Variants in TRUB2 observed in about 807,000 individuals in gnomAD.
TRUB2 encodes the protein TruB pseudouridine synthase family member 2.
In TRUB2, 31 loss-of-function variants were observed where a neutral mutation model predicts 31.9. That is an observed-to-expected ratio of 0.97 (90% CI 0.73 to 1.31). The LOEUF (loss-of-function observed/expected upper bound fraction) is 1.31. Ranked by LOEUF, TRUB2 falls within the 50% of genes most tolerant of loss-of-function variation. The pLI is 0.00. For synonymous variants in TRUB2, 201 were observed against 182.6 expected, an observed-to-expected ratio of 1.10 and a Z score of -0.81; for missense variants, 451 against 439.6, an observed-to-expected ratio of 1.03 and a Z score of -0.23.
chr9:128,311,708 G>T, intron 5 of TRUB2, 107 bp from the exon 6 acceptor site: 2 of 1,183,778 alleles, frequency 1.7e-6, no homozygotes, highest in Non-Finnish European at 1.2e-6. Context: ...GAGAGAGGAT[G>T]TTTTGGAGGG....
At chr9:128,310,552 G>A (rs1056402347) in intron 7 of TRUB2, among the ~76,000 whole-genome samples, 3 of 151,992 alleles carry the variant, frequency 2.0e-5, no homozygotes, top group South Asian at 2.1e-4. Context: ...GACTGGGGAC[G>A]TAAGAGTTGT....
At chr9:128,315,041 C>T (rs1431879114) in intron 4 of TRUB2, among the ~76,000 whole-genome samples, 7 of 152,208 alleles carry the variant, frequency 4.6e-5, no homozygotes, top group African/African-American at 1.2e-4. Flanking sequence ...GGCCCCATAA[C>T]GTGGCACCTG....
chr9:128,322,258 G>A (rs370791511), intron 1 of TRUB2, 42 bp downstream of exon 1: 3 of 1,549,020 alleles, frequency 1.9e-6, no homozygotes, highest in African/African-American at 1.4e-5. Context: ...GGACTTCCAA[G>A]AGAACGAGAG....
At chr9:128,321,805 G>A in intron 1 of TRUB2, 75 bp from the exon 2 acceptor site, 1 of 1,467,638 alleles carries the variant, frequency 6.8e-7, no homozygotes, top group Non-Finnish European at 9.2e-7. Flanking sequence ...TAAGAGACAG[G>A]GCCTCGTTCT....
At chr9:128,319,468 G>A (rs949101014) in intron 2 of TRUB2, among the ~76,000 whole-genome samples, 2 of 151,972 alleles carry the variant, frequency 1.3e-5, no homozygotes, top group African/African-American at 4.8e-5. Context: ...TCCAGCCTGG[G>A]TGACAGAGTG....
chr9:128,311,072 C>T, intron 6 of TRUB2, 49 bp from the exon 7 acceptor site: 3 of 1,600,126 alleles, frequency 1.9e-6, no homozygotes, highest in Non-Finnish European at 1.7e-6. Context: ...CTACCCTTTC[C>T]CCCACATGAG....
chr9:128,322,182 A>G, intron 1 of TRUB2, 118 bp downstream of exon 1: 1 of 782,584 alleles, frequency 1.3e-6, no homozygotes, highest in Non-Finnish European at 2.1e-6. Context: ...GGCGTTTGGG[A>G]AAGCGCTCTG....
At chr9:128,319,939 T>C (rs1326621323) in intron 2 of TRUB2, among the ~76,000 whole-genome samples, 1 of 140,112 alleles carries the variant, frequency 7.1e-6, no homozygotes, top group African/African-American at 2.7e-5. Flanking sequence ...TTTTTGAGAC[T>C]GAGTCTCGCT....
rs1831891767 is a variant in TRUB2, at chr9:128,307,770, G to A, written c.*1780C>T. ...AATAAATAAATTAGCCAGATACTGT[G>A]TGCACGCCTGCAGTCCCAGCTATTC... On this transcript the variant is annotated 3_prime_UTR_variant, in exon 8 of 8. Coordinates refer to ENST00000372890, the MANE Select transcript of TRUB2 (RefSeq NM_015679.3). The A allele has an allele frequency of 6.6e-6, 1 of 151,910 alleles. No individual in the cohort carries two copies. The highest frequency in any genetic ancestry group is 2.1e-4 in the South Asian group (1 of 4,812). The allele number at this position is 151,910 out of a possible 1,614,324, so 9.4% of individuals were successfully genotyped here. A position where few individuals can be genotyped will look rare whatever the true frequency, so the allele number is the denominator to read the frequency against.
Position 128,321,687 on chromosome 9 carries a change from G to A in TRUB2, c.153C>T (p.Arg51=). The A allele has an allele frequency of 1.2e-6, 2 of 1,613,956 alleles. No homozygotes were observed. Among genetic ancestry groups the A allele is most frequent in the African/African-American group, 1.3e-5 (1 of 75,064 alleles). The part of the protein sequence containing the change: ...RKPPAPKQRV[R]FLLGPMEGSE... ...TGCCTTCCATGGGGCCCAGCAAGAA[G>A]CGAACACGCTGTTTAGGAGCGGGAG... is the stretch of plus-strand genomic sequence containing the variant. Residue 51 remains arginine, a synonymous_variant, in exon 2 of 8, where the codon CGC becomes CGT. Coordinates refer to ENST00000372890, the MANE Select transcript of TRUB2 (RefSeq NM_015679.3).
At chr9:128,311,226 C>G in intron 6 of TRUB2, 2 of 683,136 alleles carry the variant, frequency 2.9e-6, no homozygotes, top group South Asian at 3.9e-5. Context: ...AAGCTCTTAA[C>G]TCCTTGGCTG....
At chr9:128,318,476 C>T (rs1266234076) in intron 2 of TRUB2, among the ~76,000 whole-genome samples, 1 of 152,110 alleles carries the variant, frequency 6.6e-6, no homozygotes, top group East Asian at 1.9e-4. Flanking sequence ...CTACAGTCCA[C>T]AAGTCAAACC....
chr9:128,312,968 C>G (rs1246580342), intron 5 of TRUB2, among the ~76,000 whole-genome samples: 1 of 151,340 alleles, frequency 6.6e-6, no homozygotes, highest in Non-Finnish European at 1.5e-5. Context: ...GTAATCCCAG[C>G]ACTTTGGGAG....
chr9:128,307,115 G>A lies in TRUB2; in HGVS notation c.*2435C>T, dbSNP rs1831878782. 6.6e-6 allele frequency: 1 copy of A among 152,142 alleles called. No individual in the cohort carries two copies. Among genetic ancestry groups the A allele is most frequent in the African/African-American group, 2.4e-5 (1 of 41,446 alleles). The allele number at this position is 152,142 out of a possible 1,614,324, so 9.4% of individuals were successfully genotyped here. On this transcript the variant is annotated 3_prime_UTR_variant, in exon 8 of 8. Coordinates refer to ENST00000372890, the MANE Select transcript of TRUB2 (RefSeq NM_015679.3). ...CTACTAAAAATACAAAAGTTAGCTG[G>A]GCGTGGTGGTGAACGCCTATAATCC...
chr9:128,317,370 G>A, intron 2 of TRUB2, 144 bp from the exon 3 acceptor site: 1 of 748,210 alleles, frequency 1.3e-6, no homozygotes. Flanking sequence ...CCCCGTCATG[G>A]AATCTGGGAC....
rs575458729 is a variant in TRUB2, at chr9:128,308,912, T to C, written c.*638A>G. ...GGCAACAACAGAAAAACAACAAAAATCATCTCATTTTCATCTGTGTCTTCC... is the reference window on the plus strand; with the variant it reads ...GGCAACAACAGAAAAACAACAAAAACCATCTCATTTTCATCTGTGTCTTCC... On this transcript the variant is annotated 3_prime_UTR_variant, in exon 8 of 8. Transcript: ENST00000372890. 6.6e-6 allele frequency: 1 copy of C among 152,104 alleles called. No individual in the cohort carries two copies. The highest frequency in any genetic ancestry group is 1.9e-4 in the East Asian group (1 of 5,160). 9.4% of individuals were successfully genotyped at this position (152,104 alleles called of 1,614,324 possible).
At chr9:128,312,188 G>T (rs1164593323) in intron 5 of TRUB2, among the ~76,000 whole-genome samples, 2 of 144,836 alleles carry the variant, frequency 1.4e-5, no homozygotes, top group African/African-American at 5.2e-5. Context: ...CCAGGCTGGA[G>T]TGCAAATGGC....
intron 2 of TRUB2, among the ~76,000 whole-genome samples, chr9:128,321,156 A>G (rs75253755): frequency 0.023 from 3,507 of 151,916 alleles, 145 homozygotes; most frequent in African/African-American, 0.08. Context: ...TACTAGGTGC[A>G]CAGCAAATTC....
In TRUB2 at chr9:128,307,415, G is replaced by C. The variant is rs935681778; in HGVS notation, c.*2135C>G. 39 of 151,774 alleles carry C rather than the reference G, an allele frequency of 2.6e-4. No individual in the cohort carries two copies. Among genetic ancestry groups the C allele is most frequent in the African/African-American group, 9.2e-4 (38 of 41,258 alleles). The allele number at this position is 151,774 out of a possible 1,614,324, so 9.4% of individuals were successfully genotyped here. On this transcript the variant is annotated 3_prime_UTR_variant, in exon 8 of 8. Transcript: ENST00000372890. ...TGTTTGCACCATTGCACTCCAGCCT[G>C]GGTGACAGAGCAAGACTCTGTCTAA...
Sources: allele counts gnomAD v4.1 joint callset (sites outside exome capture counted in the v4.1 genomes callset), GRCh38; gene constraint gnomAD v4.1.1; transcripts MANE v1.5; gene names NCBI Gene and HGNC (gene_info 2026-07-23, HGNC 2026-07-21).